The following IGFL1 variants were observed in gnomAD, a reference collection of about 807,000 sequenced individuals.
IGFL1 encodes the protein IGF like family member 1, also known as insulin growth factor-like family member 1.
In IGFL1, 16 loss-of-function variants were observed where a neutral mutation model predicts 16.0. The ratio of observed to expected loss-of-function variants is 1.00; its 90% CI spans 0.68 to 1.52. The LOEUF (loss-of-function observed/expected upper bound fraction) is 1.52. IGFL1 is among the 40% of genes most tolerant of loss of function. The probability of loss-of-function intolerance (pLI) is 0.00; values close to 1 mark genes in which losing one functional copy is unlikely to be tolerated. For missense variants in IGFL1, 149 were observed against 141.7 expected (o/e 1.05, Z -0.26); for synonymous variants, 59 against 54.0 (o/e 1.09, Z -0.41).
Position 46,231,075 on chromosome 19 carries a change from G to C in IGFL1, c.*245G>C, listed in dbSNP as rs1486636505. 2.8e-5 allele frequency: 17 copies of C among 601,624 alleles called. No individual in the cohort carries two copies. The highest frequency in any genetic ancestry group is 5.1e-5 in the Non-Finnish European group (17 of 333,454). The allele number at this position is 601,624 out of a possible 1,614,324, so 37.3% of individuals were successfully genotyped here. A position where few individuals can be genotyped will look rare whatever the true frequency, so the allele number is the denominator to read the frequency against. On this transcript the variant is annotated 3_prime_UTR_variant, in exon 4 of 4. Coordinates refer to ENST00000437936, the MANE Select transcript of IGFL1 (RefSeq NM_198541.2). ...GATGCGTGTGCTGATGGGGGCCCAGGGACTCTGAACCCTCCTGATGACCCC... is the reference window on the plus strand; with the variant it reads ...GATGCGTGTGCTGATGGGGGCCCAGCGACTCTGAACCCTCCTGATGACCCC...
intron 1 of IGFL1, 64 bp downstream of exon 1, chr19:46,229,863 C>G (rs1442881481): frequency 1.3e-6 from 2 of 1,533,384 alleles, no homozygotes; most frequent in East Asian, 2.4e-5. Flanking sequence ...CACCAGGGCT[C>G]TCTCCCTACC....
chr19:46,230,316 A>G lies in IGFL1; in HGVS notation c.122A>G (p.Lys41Arg), dbSNP rs2147059343. Residue 41 changes from lysine (K) to arginine (R), a missense_variant, in exon 3 of 4, where the codon AAG becomes AGG. By Grantham distance (26) the Lys-to-Arg change is conservative. Transcript: ENST00000437936. The stretch of plus-strand genomic sequence containing the variant: ...TACCTGATGCTGTGCCAGCCACACA[A>G]GAGATGTGGGGACAAGTTCTACGAC... ...TPYLMLCQPH[K>R]RCGDKFYDPL... The G allele has an allele frequency of 6.2e-7, 1 of 1,612,886 alleles. No individual in the cohort carries two copies. Among genetic ancestry groups the G allele is most frequent in the South Asian group, 1.1e-5 (1 of 91,062 alleles).
At chr19:46,229,954 T>C (rs1268307339) in intron 1 of IGFL1, among the ~76,000 whole-genome samples, 154 bp from the exon 2 acceptor site, 1 of 152,146 alleles carries the variant, frequency 6.6e-6, no homozygotes, top group African/African-American at 2.4e-5. Context: ...CCATCCATAG[T>C]GCCCAGATCA....
intron 3 of IGFL1, 140 bp from the exon 4 acceptor site, chr19:46,230,681 C>A (rs760307713): frequency 1.0e-5 from 14 of 1,371,974 alleles, no homozygotes; most frequent in Middle Eastern, 3.6e-4. Flanking sequence ...ATTTTTATTT[C>A]CCTCTCAGAA....
In IGFL1 at chr19:46,230,827, C is replaced by G. The variant is rs1356606797; in HGVS notation, c.330C>G (p.Ser110Arg). 6.2e-7 allele frequency: 1 copy of G among 1,611,822 alleles called. No individual in the cohort carries two copies. The highest frequency in any genetic ancestry group is 1.7e-5 in the Admixed American group (1 of 59,748). ...TSDDRLCRSV[S>R] ...TCTCTGTCACTATCTCCAGTGTCAG[C>G]TAATGGAACATCAGGGGAACGATGA... The change falls in exon 4 of 4, where the codon AGC becomes AGG. Residue 110 changes from serine to arginine, a missense_variant. Transcript: ENST00000437936.
chr19:46,230,228 C>A, intron 2 of IGFL1, 46 bp from the exon 3 acceptor site: 1 of 1,613,442 alleles, frequency 6.2e-7, no homozygotes, highest in Non-Finnish European at 8.5e-7. Flanking sequence ...AGGCTGGGAC[C>A]CACCTGCCAC....
In IGFL1 at chr19:46,230,389, G is replaced by T; in HGVS notation, c.195G>T (p.Arg65Ser). Residue 65 changes from arginine to serine, a missense_variant, in exon 3 of 4, where the codon AGG (arginine) becomes AGT (serine). Arg to Ser is a moderately radical substitution (Grantham distance 110). Transcript: ENST00000437936. ...ATGATGCCGTCGTGCCCTTGGCCAG[G>T]ACCCAGACGTGTGGAAACTGCACCT... Reference protein sequence around the residue: ...CYDDAVVPLARTQTCGNCTFR... With the variant: ...CYDDAVVPLASTQTCGNCTFR... 1 of 1,614,024 alleles carries T rather than the reference G, an allele frequency of 6.2e-7. No individual in the cohort carries two copies. The highest frequency in any genetic ancestry group is 8.5e-7 in the Non-Finnish European group (1 of 1,179,888).
intron 1 of IGFL1, 49 bp downstream of exon 1, chr19:46,229,848 G>A: frequency 6.3e-7 from 1 of 1,576,820 alleles, no homozygotes; most frequent in Non-Finnish European, 8.6e-7. Context: ...TCCAATCTCA[G>A]CCACCACCAG....
In IGFL1 at chr19:46,230,586, GC is replaced by G. The variant is rs972257482; in HGVS notation, c.323+74del. ...GCATGCCTGTTCTGCCCTGGGTGGA[GC>G]CCCCATTCTCCTTGTCTCCCTGTCT... On this transcript the variant is annotated intron_variant, in intron 3 of 3. Coordinates refer to ENST00000437936, the MANE Select transcript of IGFL1 (RefSeq NM_198541.2). 6 of 1,587,882 alleles carry G rather than the reference GC, an allele frequency of 3.8e-6. No individual in the cohort carries two copies. The Admixed American group carries it at 6.7e-5, about 18-fold the overall frequency.
rs998397925 is a variant in IGFL1, at chr19:46,231,087, C to T, written c.*257C>T. 16 of 584,292 alleles carry T rather than the reference C, an allele frequency of 2.7e-5. 1 individual carries two copies. The highest frequency in any genetic ancestry group is 1.7e-4 in the African/African-American group (9 of 53,726). 36.2% of individuals were successfully genotyped at this position (584,292 alleles called of 1,614,324 possible). A position where few individuals can be genotyped will look rare whatever the true frequency, so the allele number is the denominator to read the frequency against. On this transcript the variant is annotated 3_prime_UTR_variant, in exon 4 of 4. Coordinates refer to ENST00000437936, the MANE Select transcript of IGFL1 (RefSeq NM_198541.2). ...GATGGGGGCCCAGGGACTCTGAACCCTCCTGATGACCCCTATGGCCAACAT... is the reference window on the plus strand; with the variant it reads ...GATGGGGGCCCAGGGACTCTGAACCTTCCTGATGACCCCTATGGCCAACAT...
Position 46,230,169 on chromosome 19 carries a change from C to A in IGFL1, c.79+8C>A, listed in dbSNP as rs1351976787. The A allele has an allele frequency of 6.2e-7, 1 of 1,613,968 alleles. No individual in the cohort carries two copies. Among genetic ancestry groups the A allele is most frequent in the South Asian group, 1.1e-5 (1 of 91,082 alleles). On this transcript the variant is annotated splice_region_variant and intron_variant, in intron 2 of 3. Coordinates refer to ENST00000437936, the MANE Select transcript of IGFL1 (RefSeq NM_198541.2). ...GCTCACACGGAGCCCCAGGTGAGCC[C>A]AGGAGTGTTTGGGAAGCTGGAGGAG...
At position 46,230,975 on chromosome 19, in the gene IGFL1, G is replaced by A; in HGVS notation, c.*145G>A. On this transcript the variant is annotated 3_prime_UTR_variant, in exon 4 of 4. Coordinates refer to ENST00000437936, the MANE Select transcript of IGFL1 (RefSeq NM_198541.2). The stretch of plus-strand genomic sequence containing the variant: ...CACTCAACTGCCCACTTCATTCTGT[G>A]ACCTGTCTGAGGCCCACCCTGCAGC... The A allele has an allele frequency of 1.2e-6, 1 of 849,058 alleles. No individual in the cohort carries two copies. The highest frequency in any genetic ancestry group is 1.9e-6 in the Non-Finnish European group (1 of 513,118). 52.6% of individuals were successfully genotyped at this position (849,058 alleles called of 1,614,324 possible).
rs1967223198 is a variant in IGFL1, at chr19:46,229,814, A to G, written c.25+15A>G. On this transcript the variant is annotated intron_variant, in intron 1 of 3. Coordinates refer to ENST00000437936, the MANE Select transcript of IGFL1 (RefSeq NM_198541.2). ...CTGCATCGTAGGTAAGGAGGACAGGACCCCATTCCCACCTGAGCCCATCTC... is the reference window on the plus strand; with the variant it reads ...CTGCATCGTAGGTAAGGAGGACAGGGCCCCATTCCCACCTGAGCCCATCTC... 1 of 1,604,522 alleles carries G rather than the reference A, an allele frequency of 6.2e-7. No homozygotes were observed. Among genetic ancestry groups the G allele is most frequent in the Non-Finnish European group, 8.5e-7 (1 of 1,175,994 alleles).
At chr19:46,230,053 C>T in intron 1 of IGFL1, 55 bp from the exon 2 acceptor site, 1 of 1,580,104 alleles carries the variant, frequency 6.3e-7, no homozygotes, top group Non-Finnish European at 8.7e-7. Context: ...AATGTCAGTG[C>T]CAGTCATATC....
At chr19:46,229,922 G>T (rs928377477) in intron 1 of IGFL1, 123 bp downstream of exon 1, 6 of 1,290,454 alleles carry the variant, frequency 4.6e-6, no homozygotes, top group African/African-American at 2.9e-5. Flanking sequence ...ATCTCCAGGC[G>T]TGAATTGCTC....
In IGFL1 at chr19:46,230,106, A is replaced by T; in HGVS notation, c.26-2A>T. The T allele has an allele frequency of 4.3e-6, 7 of 1,613,198 alleles. No homozygotes were observed. The highest frequency in any genetic ancestry group is 5.9e-6 in the Non-Finnish European group (7 of 1,179,806). ...CCCATCTTCCCTTTCCCTTTCCCAC[A>T]GCTGTCTTTGCCATTTTCTGCATCT... On this transcript the variant is annotated splice_acceptor_variant, in intron 1 of 3. Coordinates refer to ENST00000437936, the MANE Select transcript of IGFL1 (RefSeq NM_198541.2). LOFTEE classifies it high-confidence loss of function.
At position 46,229,816 on chromosome 19, in the gene IGFL1, C is replaced by G; in HGVS notation, c.25+17C>G. ...GCATCGTAGGTAAGGAGGACAGGAC[C>G]CCATTCCCACCTGAGCCCATCTCCA... On this transcript the variant is annotated intron_variant, in intron 1 of 3. Transcript: ENST00000437936. 6.2e-7 allele frequency: 1 copy of G among 1,603,798 alleles called. No homozygotes were observed. The highest frequency in any genetic ancestry group is 1.1e-5 in the South Asian group (1 of 88,596).
rs187526552 is a variant in IGFL1 at position 46,231,019 on chromosome 19, A to G, written c.*189A>G. 7.5e-6 allele frequency: 5 copies of G among 662,874 alleles called. No homozygotes were observed. The Admixed American group carries it at 8.7e-5, about 12-fold the overall frequency. 41.1% of individuals were successfully genotyped at this position (662,874 alleles called of 1,614,324 possible). A position where few individuals can be genotyped will look rare whatever the true frequency, so the allele number is the denominator to read the frequency against. On this transcript the variant is annotated 3_prime_UTR_variant, in exon 4 of 4. Coordinates refer to ENST00000437936, the MANE Select transcript of IGFL1 (RefSeq NM_198541.2). ...CTGCAGCTGCCCTGAGGAGGCCCAC[A>G]GGTCCCCTTCTAGAATTCTGGACAG...
chr19:46,230,631 C>T lies in IGFL1; in HGVS notation c.323+114C>T, dbSNP rs544905136. 82 of 1,483,774 alleles carry T rather than the reference C, an allele frequency of 5.5e-5. No homozygotes were observed. The South Asian group carries it at 9.4e-4, about 17-fold the overall frequency. The allele number at this position is 1,483,774 out of a possible 1,614,324, so 91.9% of individuals were successfully genotyped here. A position where few individuals can be genotyped will look rare whatever the true frequency, so the allele number is the denominator to read the frequency against. Reference sequence around the variant, plus strand: ...CCTGTCTCTGCCCCCTGCTTCTATTCAATCCACCTCTCCCTTTCCCTACAC... The same window carrying T: ...CCTGTCTCTGCCCCCTGCTTCTATTTAATCCACCTCTCCCTTTCCCTACAC... On this transcript the variant is annotated intron_variant, in intron 3 of 3. Coordinates refer to ENST00000437936, the MANE Select transcript of IGFL1 (RefSeq NM_198541.2).
Sources: allele counts gnomAD v4.1 joint callset (sites outside exome capture counted in the v4.1 genomes callset), GRCh38; gene constraint gnomAD v4.1.1; transcripts MANE v1.5; gene names NCBI Gene and HGNC (gene_info 2026-07-23, HGNC 2026-07-21).